The following KIF15 variants were observed in gnomAD, a reference collection of about 807,000 sequenced individuals.
KIF15 encodes kinesin family member 15.
Under a neutral mutation model 190.6 loss-of-function variants are expected in KIF15, and 140 were observed. The observed-to-expected ratio is 0.73, with a 90% CI of 0.64 to 0.84. The LOEUF is 0.84. Among genes scored for constraint, KIF15 ranks in the 40% least tolerant of loss-of-function variants. The pLI, the probability that KIF15 is intolerant of heterozygous loss-of-function variation, is 0.00. For missense variants in KIF15, 1,372 were observed against 1,584.4 expected (o/e 0.87, Z 2.28); for synonymous variants, 528 against 551.3 (o/e 0.96, Z 0.59).
At chr3:44,783,094 A>G (rs1456867150) in intron 5 of KIF15, among the ~76,000 whole-genome samples, 3 of 152,220 alleles carry the variant, frequency 2.0e-5, no homozygotes, top group Admixed American at 2.0e-4. Flanking sequence ...GAGATACTGC[A>G]GTGGGTTAGG....
intron 10 of KIF15, among the ~76,000 whole-genome samples, chr3:44,798,618 C>T (rs746818442): frequency 4.0e-5 from 6 of 151,704 alleles, no homozygotes; most frequent in African/African-American, 1.2e-4. Context: ...TGCCCAGGCT[C>T]GTCTCAAACT....
chr3:44,782,835 C>T (rs774942815), intron 5 of KIF15, among the ~76,000 whole-genome samples: 2 of 152,142 alleles, frequency 1.3e-5, no homozygotes, highest in African/African-American at 4.8e-5. Flanking sequence ...GTTTGAAGAC[C>T]AGCAGAAGAC....
At position 44,815,049 on chromosome 3, in the gene KIF15, A is replaced by G. The variant is rs1315009990; in HGVS notation, c.2522A>G (p.His841Arg). ...AACAAACTTTCCGAAAGACACATGC[A>G]TGTACAGCTTCAATTAGATAATCTC... ...EFNKLSERHM[H>R]VQLQLDNLRL... Residue 841 changes from histidine (H) to arginine (R), a missense_variant, in exon 20 of 35, where the codon CAT becomes CGT. His to Arg is a conservative substitution (Grantham distance 29, BLOSUM62 0). Coordinates refer to ENST00000326047, the MANE Select transcript of KIF15 (RefSeq NM_020242.3). The G allele has an allele frequency of 1.2e-6, 2 of 1,604,066 alleles. No individual in the cohort carries two copies. The highest frequency in any genetic ancestry group is 2.2e-5 in the East Asian group (1 of 44,680).
intron 26 of KIF15, among the ~76,000 whole-genome samples, chr3:44,835,679 T>C (rs564453049): frequency 1.6e-4 from 25 of 152,332 alleles, no homozygotes; most frequent in African/African-American, 5.8e-4. Context: ...AGTGTTGGAC[T>C]GATGATAGAG....
chr3:44,862,937 A>T (rs536479345), intron 6 of KIF15: 35 of 152,176 alleles, frequency 2.3e-4, no homozygotes, highest in African/African-American at 8.2e-4. Context: ...TAAAATGAAT[A>T]ACTTTGTATG....
chr3:44,794,306 AAT>A lies in KIF15; in HGVS notation c.731_732del (p.Ile244ArgfsTer7), dbSNP rs774595081. ...GGTCTCATGCCGTCTTTACAATTAC[AAT>A]AGAGTCAATGGAGAAAAGTAATGAG... The part of the protein sequence containing the change: ...SRSHAVFTIT[I>X]ESMEKSNEIV... On this transcript the variant is annotated frameshift_variant, in exon 8 of 35. Transcript: ENST00000326047. LOFTEE classifies it high-confidence loss of function. The A allele has an allele frequency of 6.2e-7, 1 of 1,614,080 alleles. No homozygotes were observed. Among genetic ancestry groups the A allele is most frequent in the Non-Finnish European group, 8.5e-7 (1 of 1,179,952 alleles).
intron 6 of KIF15, among the ~76,000 whole-genome samples, chr3:44,785,867 A>C (rs1360189301): frequency 6.6e-6 from 1 of 152,180 alleles, no homozygotes; most frequent in Non-Finnish European, 1.5e-5. Context: ...GCACCTGTGG[A>C]GGCCTCTAGG....
chr3:44,840,483 G>A (rs1441406093), intron 28 of KIF15, 27 bp downstream of exon 28: 1 of 1,471,710 alleles, frequency 6.8e-7, no homozygotes, highest in South Asian at 1.2e-5. Context: ...GATTATTTCA[G>A]GAGGAAGAAA....
intron 20 of KIF15, among the ~76,000 whole-genome samples, chr3:44,819,798 C>T (rs1038753124): frequency 3.4e-4 from 52 of 152,270 alleles, no homozygotes; most frequent in Middle Eastern, 3.4e-3. Flanking sequence ...CCTGGATACC[C>T]TTGTTAACCT....
chr3:44,807,599 G>A (rs1043797876), intron 16 of KIF15, among the ~76,000 whole-genome samples: 1 of 152,190 alleles, frequency 6.6e-6, no homozygotes, highest in Middle Eastern at 3.4e-3. Context: ...CCAAGAACTG[G>A]AGGCAATCAG....
chr3:44,769,240 G>C (rs1705543197), intron 1 of KIF15, among the ~76,000 whole-genome samples: 1 of 151,974 alleles, frequency 6.6e-6, no homozygotes, highest in Non-Finnish European at 1.5e-5. Flanking sequence ...GGAGTCCCAG[G>C]GGTTCAGGAT....
In KIF15 at chr3:44,863,304, C is replaced by CG. The variant is rs199685443; in HGVS notation, c.*60-10025_*60-10024insG. ...ATAAGTATATTTAGATTCCGCACCC[C>CG]CCCCCCCCGCCGCCTTGTCTCCAGG... On this transcript the variant is annotated intron_variant and NMD_transcript_variant, in intron 6 of 6. Coordinates refer to the KIF15 transcript ENST00000422209. 7.9e-5 allele frequency: 8 copies of CG among 101,364 alleles called. 1 individual carries two copies. The highest frequency in any genetic ancestry group is 3.7e-4 in the Admixed American group (4 of 10,822). 6.3% of individuals were successfully genotyped at this position (101,364 alleles called of 1,614,324 possible).
chr3:44,821,139 C>G (rs1432156904), intron 20 of KIF15, among the ~76,000 whole-genome samples: 1 of 143,814 alleles, frequency 7.0e-6, no homozygotes. Context: ...CTGACCCCCC[C>G]ACCTCCCTCC....
At chr3:44,768,707 A>G (rs776079829) in intron 1 of KIF15, among the ~76,000 whole-genome samples, 2 of 152,210 alleles carry the variant, frequency 1.3e-5, no homozygotes, top group Non-Finnish European at 2.9e-5. Context: ...GACAAAGACC[A>G]ATCTTAACTG....
intron 16 of KIF15, among the ~76,000 whole-genome samples, chr3:44,806,275 G>A (rs1259017349): frequency 6.6e-6 from 1 of 152,102 alleles, no homozygotes; most frequent in African/African-American, 2.4e-5. Flanking sequence ...TCTCTAAATT[G>A]GAAATGAAGG....
chr3:44,827,555 G>C, intron 23 of KIF15, 27 bp downstream of exon 23: 5 of 1,447,600 alleles, frequency 3.5e-6, no homozygotes, highest in Non-Finnish European at 4.8e-6. Context: ...TCTAACTCTA[G>C]TATTTGAAGT....
intron 7 of KIF15, among the ~76,000 whole-genome samples, chr3:44,787,187 T>C (rs1268935917): frequency 2.6e-5 from 4 of 152,226 alleles, no homozygotes. Context: ...CTATCCGATT[T>C]ACTGGTGATA....
intron 20 of KIF15, among the ~76,000 whole-genome samples, chr3:44,820,534 T>G (rs1322799301): frequency 6.6e-6 from 1 of 151,976 alleles, no homozygotes; most frequent in Non-Finnish European, 1.5e-5. Context: ...TACTTGAGAT[T>G]AGGGAGTGGT....
chr3:44,848,394 GA>G (rs1337832726), intron 31 of KIF15, 126 bp from the exon 32 acceptor site: 38 of 589,206 alleles, frequency 6.4e-5, no homozygotes, highest in Non-Finnish European at 3.3e-5. Flanking sequence ...TGGCACTGTG[GA>G]AAAGGATATT....
Sources: allele counts gnomAD v4.1 joint callset (sites outside exome capture counted in the v4.1 genomes callset), GRCh38; gene constraint gnomAD v4.1.1; transcripts MANE v1.5; gene names NCBI Gene and HGNC (gene_info 2026-07-23, HGNC 2026-07-21).